Variants in C1orf105 observed in about 807,000 individuals in gnomAD.
The protein encoded by C1orf105 is uncharacterized protein C1orf105.
A neutral mutation model predicts 20.8 loss-of-function variants in C1orf105; 17 were observed. The observed-to-expected ratio is 0.82, with a 90% CI of 0.56 to 1.23. C1orf105 has a LOEUF of 1.23. C1orf105 is among the 50% of genes most tolerant of loss of function. The pLI is 0.00. For missense variants in C1orf105, 219 were observed against 213.5 expected (o/e 1.03, Z -0.16); for synonymous variants, 72 against 72.1 (o/e 1.00, Z 0.01).
intron 1 of C1orf105, among the ~76,000 whole-genome samples, chr1:172,434,287 C>G (rs2149163166): frequency 6.6e-6 from 1 of 152,320 alleles, no homozygotes; most frequent in Non-Finnish European, 1.5e-5. Flanking sequence ...CACCCCACAT[C>G]AACAAAATAT....
At chr1:172,445,881 A>G (rs1477366945) in intron 2 of C1orf105, among the ~76,000 whole-genome samples, 1 of 152,228 alleles carries the variant, frequency 6.6e-6, no homozygotes, top group Non-Finnish European at 1.5e-5. Flanking sequence ...AAGGCACACG[A>G]CAGACTAAAA....
intron 1 of C1orf105, among the ~76,000 whole-genome samples, chr1:172,437,417 G>T (rs997871872): frequency 5.3e-5 from 8 of 151,980 alleles, no homozygotes; most frequent in Admixed American, 1.3e-4. Flanking sequence ...AAAAAAGGAT[G>T]AGTTCATGTC....
At chr1:172,431,127 C>G (rs866789520) in intron 1 of C1orf105, 4 of 586,516 alleles carry the variant, frequency 6.8e-6, no homozygotes, top group African/African-American at 3.8e-5. Context: ...TTTAACTGTT[C>G]AAATGAAGAG....
chr1:172,438,630 A>G (rs973726402), intron 1 of C1orf105, among the ~76,000 whole-genome samples: 1 of 152,218 alleles, frequency 6.6e-6, no homozygotes, highest in African/African-American at 2.4e-5. Context: ...TGAAATAACA[A>G]TTTTTAGAAT....
chr1:172,465,132 G>A (rs1237344832), intron 5 of C1orf105, among the ~76,000 whole-genome samples, 167 bp from the exon 6 acceptor site: 5 of 151,928 alleles, frequency 3.3e-5, no homozygotes, highest in Admixed American at 6.6e-5. Context: ...GCACTGAGCC[G>A]AGATCGCACC....
chr1:172,433,774 G>T (rs946143060), intron 1 of C1orf105, among the ~76,000 whole-genome samples: 1 of 152,154 alleles, frequency 6.6e-6, no homozygotes, highest in African/African-American at 2.4e-5. Flanking sequence ...AAATGTAAAT[G>T]GTCTAAATGC....
intron 1 of C1orf105, among the ~76,000 whole-genome samples, chr1:172,432,152 T>A (rs2071893058): frequency 6.6e-6 from 1 of 152,224 alleles, no homozygotes; most frequent in African/African-American, 2.4e-5. Flanking sequence ...ACTCCACCTC[T>A]GTAGGCAGGA....
At position 172,448,700 on chromosome 1, in the gene C1orf105, AG is replaced by A. The variant is rs1271546517; in HGVS notation, c.198+170del. On this transcript the variant is annotated intron_variant, in intron 3 of 6. Coordinates refer to ENST00000367727, the MANE Select transcript of C1orf105 (RefSeq NM_139240.4). ...GCCCCACCCCCCTCACTATGTCTCA[AG>A]TGCCTTAGGGTCCCAGTCCACTAGA... Among the ~76,000 whole-genome samples the A allele has an allele frequency of 7.9e-5, 12 of 152,142 alleles. No homozygotes were observed. In the East Asian group the frequency reaches 2.3e-3, roughly 29 times the overall value.
intron 1 of C1orf105, among the ~76,000 whole-genome samples, chr1:172,432,909 A>G (rs1395865993): frequency 6.6e-6 from 1 of 152,254 alleles, no homozygotes; most frequent in African/African-American, 2.4e-5. Context: ...TAAACACCAT[A>G]GACAAGACCT....
intron 5 of C1orf105, among the ~76,000 whole-genome samples, chr1:172,464,688 C>A (rs1184245268): frequency 6.7e-6 from 1 of 149,440 alleles, no homozygotes; most frequent in Non-Finnish European, 1.5e-5. Context: ...TTCCTTTATT[C>A]CTCCTATTTT....
chr1:172,453,927 G>T (rs532335108), intron 3 of C1orf105, among the ~76,000 whole-genome samples: 1 of 152,306 alleles, frequency 6.6e-6, no homozygotes, highest in African/African-American at 2.4e-5. Context: ...TCATCCCTCA[G>T]ATTCTAAGAG....
chr1:172,428,500 A>G (rs1573827764), intron 1 of C1orf105, among the ~76,000 whole-genome samples: 1 of 152,116 alleles, frequency 6.6e-6, no homozygotes, highest in African/African-American at 2.4e-5. Context: ...TTCCCCACAC[A>G]TGCCAGGTAT....
intron 1 of C1orf105, among the ~76,000 whole-genome samples, chr1:172,430,523 C>T (rs967630680): frequency 1.3e-5 from 2 of 152,146 alleles, no homozygotes; most frequent in African/African-American, 4.8e-5. Flanking sequence ...TCACTGCATT[C>T]TCGACCTCCT....
At position 172,441,949 on chromosome 1, in the gene C1orf105, G is replaced by A. The variant is rs1362429049; in HGVS notation, c.22-3124G>A. ...CAGTGTGACCCCCACATAGCTCCGG[G>A]GAGTACATGCCTTTAGTTTCTTCTG... On this transcript the variant is annotated intron_variant, in intron 1 of 6. Transcript: ENST00000367727. The A allele has an allele frequency of 1.9e-6, 3 of 1,614,080 alleles. No individual in the cohort carries two copies. The highest frequency in any genetic ancestry group is 1.7e-5 in the Admixed American group (1 of 60,002).
chr1:172,444,032 G>C (rs577758801), intron 1 of C1orf105: 1 of 1,000,008 alleles, frequency 1.0e-6, no homozygotes, highest in Admixed American at 6.1e-5. Flanking sequence ...GCGGCACCCA[G>C]CCTTTTTCCC....
intron 1 of C1orf105, among the ~76,000 whole-genome samples, chr1:172,422,066 T>C (rs985662849): frequency 3.3e-5 from 5 of 152,014 alleles, no homozygotes; most frequent in African/African-American, 1.2e-4. Flanking sequence ...CCACAACAAC[T>C]GCAATACCCA....
intron 1 of C1orf105, 94 bp downstream of exon 1, chr1:172,421,000 G>A: frequency 8.5e-7 from 1 of 1,178,918 alleles, no homozygotes; most frequent in African/African-American, 1.6e-5. Flanking sequence ...AACATTGAGG[G>A]GTGTTTCAAC....
chr1:172,448,586 A>G, intron 3 of C1orf105, 55 bp downstream of exon 3: 1 of 992,174 alleles, frequency 1.0e-6, no homozygotes, highest in Non-Finnish European at 1.6e-6. Flanking sequence ...AATGACATAG[A>G]ATATGAATAC....
At chr1:172,423,861 T>C (rs991594745) in intron 1 of C1orf105, among the ~76,000 whole-genome samples, 9 of 152,020 alleles carry the variant, frequency 5.9e-5, no homozygotes, top group African/African-American at 9.7e-5. Flanking sequence ...GTTAGCAGAA[T>C]TGATCAAGCA....
Sources: gnomAD v4.1 joint callset for allele counts (sites outside exome capture counted in the v4.1 genomes callset) on GRCh38, gnomAD v4.1.1 for gene constraint, MANE v1.5 for transcripts, NCBI Gene and HGNC (gene_info 2026-07-23, HGNC 2026-07-21) for gene names.